Variants in PGM3 observed in about 807,000 individuals in gnomAD.
The protein encoded by PGM3 is phosphoglucomutase 3.
Under a neutral mutation model 66.2 loss-of-function variants are expected in PGM3, and 40 were observed. The ratio of observed to expected loss-of-function variants is 0.60; its 90% CI spans 0.47 to 0.79. PGM3 has a LOEUF of 0.79. PGM3 is among the 30% of genes least tolerant of loss of function. PGM3 has a pLI of 0.00. For synonymous variants in PGM3, 191 were observed against 224.2 expected, an observed-to-expected ratio of 0.85 and a Z score of 1.32; for missense variants, 537 against 643.4, an observed-to-expected ratio of 0.83 and a Z score of 1.79.
At chr6:83,184,357 T>C (rs1354119926) in intron 4 of PGM3, among the ~76,000 whole-genome samples, 1 of 152,120 alleles carries the variant, frequency 6.6e-6, no homozygotes, top group Non-Finnish European at 1.5e-5. Flanking sequence ...CTGAAGTTAT[T>C]TAACAGAAAT....
At chr6:83,161,986 T>C (rs763805823), downstream of PGM3, among the ~76,000 whole-genome samples, 8 of 152,154 alleles carry the variant, frequency 5.3e-5, no homozygotes, top group Admixed American at 1.3e-4. Flanking sequence ...TTTTATATGA[T>C]GCAGAATTGT....
chr6:83,183,050 T>TGTA, intron 4 of PGM3, 72 bp from the exon 5 acceptor site: 1 of 1,392,544 alleles, frequency 7.2e-7, no homozygotes, highest in Non-Finnish European at 1.0e-6. Context: ...TGCATTCATG[T>TGTA]GTAGGAATTT....
intron 3 of PGM3, 73 bp from the exon 4 acceptor site, chr6:83,187,148 G>A: frequency 1.1e-6 from 1 of 917,866 alleles, no homozygotes; most frequent in Admixed American, 2.0e-5. Flanking sequence ...GCAAGCAAAT[G>A]CAAAAATTAC....
rs1338451905 is a variant in PGM3, at chr6:83,165,790, TGTC to T, written c.*3441_*3443del. On this transcript the variant is annotated 3_prime_UTR_variant, in exon 13 of 13. Coordinates refer to ENST00000513973, the MANE Select transcript of PGM3 (RefSeq NM_015599.3). ...GGTTGTGCAACGTGCGGCCCAGTGTTGTCGTGAAAAGAATTGGGCCCTTTCTGG... is the reference window on the plus strand; with the variant it reads ...GGTTGTGCAACGTGCGGCCCAGTGTTGTGAAAAGAATTGGGCCCTTTCTGG... 3.5e-6 allele frequency: 1 copy of T among 287,880 alleles called. No homozygotes were observed. The highest frequency in any genetic ancestry group is 7.0e-6 in the Non-Finnish European group (1 of 143,004). The allele number at this position is 287,880 out of a possible 1,614,324, so 17.8% of individuals were successfully genotyped here. A position where few individuals can be genotyped will look rare whatever the true frequency, so the allele number is the denominator to read the frequency against.
chr6:83,169,045 AAC>A lies in PGM3; in HGVS notation c.*187_*188del. On this transcript the variant is annotated 3_prime_UTR_variant, in exon 13 of 13. Coordinates refer to ENST00000513973, the MANE Select transcript of PGM3 (RefSeq NM_015599.3). ...ACTGAAATTAGAGGTAAATTTCTTT[AAC>A]AAGTGTAAGGCTTACCTATTTATAA... is the stretch of plus-strand genomic sequence containing the variant. The A allele has an allele frequency of 7.3e-7, 1 of 1,374,950 alleles. No individual in the cohort carries two copies. The highest frequency in any genetic ancestry group is 1.8e-5 in the South Asian group (1 of 55,200). The allele number at this position is 1,374,950 out of a possible 1,614,324, so 85.2% of individuals were successfully genotyped here.
At chr6:83,176,130 C>A in intron 8 of PGM3, 70 bp from the exon 9 acceptor site, 1 of 852,162 alleles carries the variant, frequency 1.2e-6, no homozygotes, top group African/African-American at 1.7e-5. Context: ...TACCTAGTAT[C>A]CCAGAGATAC....
At chr6:83,175,640 G>A (rs573631645) in intron 9 of PGM3, among the ~76,000 whole-genome samples, 2 of 152,032 alleles carry the variant, frequency 1.3e-5, no homozygotes, top group Admixed American at 6.5e-5. Context: ...TCACCATAGC[G>A]ACTGAATTTT....
At chr6:83,153,870 T>G in the PGM3 span, 2 of 1,592,940 alleles carry the variant, frequency 1.3e-6, no homozygotes, top group Non-Finnish European at 1.7e-6. Flanking sequence ...ACACGTAGGT[T>G]AAGGTGGTTT....
At chr6:83,174,103 A>G (rs1024064120) in intron 10 of PGM3, among the ~76,000 whole-genome samples, 23 of 152,264 alleles carry the variant, frequency 1.5e-4, no homozygotes, top group Admixed American at 1.1e-3. Context: ...ATATATATGT[A>G]TACACTGAGT....
intron 1 of PGM3, among the ~76,000 whole-genome samples, chr6:83,192,833 A>G (rs557186180): frequency 6.6e-6 from 1 of 152,210 alleles, no homozygotes; most frequent in South Asian, 2.1e-4. Context: ...GCAAAAAGTT[A>G]AGAGTATCCC....
At chr6:83,172,622 G>A (rs1787332496) in intron 10 of PGM3, among the ~76,000 whole-genome samples, 3 of 152,048 alleles carry the variant, frequency 2.0e-5, no homozygotes, top group Non-Finnish European at 2.9e-5. Context: ...TTGCGCCACT[G>A]CACTCCAGCG....
chr6:83,185,800 T>C (rs1300059399), intron 4 of PGM3, among the ~76,000 whole-genome samples: 1 of 151,380 alleles, frequency 6.6e-6, no homozygotes, highest in Non-Finnish European at 1.5e-5. Context: ...AATAAATAAA[T>C]GAAAAAAGGT....
rs551914146 is a variant in PGM3, at chr6:83,192,746, T to C, written c.-3+433A>G. On this transcript the variant is annotated intron_variant, in intron 1 of 12. Transcript: ENST00000513973. ...TAATATGAGTTCATCCTTTCATGCG[T>C]TTTAGGCCCTACAACTACTTTCAAT... is the stretch of plus-strand genomic sequence containing the variant. Among the ~76,000 whole-genome samples the C allele has an allele frequency of 3.3e-5, 5 of 151,994 alleles. No homozygotes were observed. In the South Asian group the frequency reaches 1.0e-3, roughly 32 times the overall value.
chr6:83,171,992 A>G lies in PGM3; in HGVS notation c.1310T>C (p.Val437Ala). The G allele has an allele frequency of 6.2e-7, 1 of 1,613,282 alleles. No individual in the cohort carries two copies. The highest frequency in any genetic ancestry group is 8.5e-7 in the Non-Finnish European group (1 of 1,179,212). ...EAILALKGLT[V>A]QQWDALYTDL... The stretch of plus-strand genomic sequence containing the variant: ...TGTATAGAGAGCATCCCACTGTTGT[A>G]CAGTCAAGCCCTTCAGAGCCAAGAT... Residue 437 changes from valine to alanine, a missense_variant, in exon 11 of 13, where the codon GTA (valine) becomes GCA (alanine). By Grantham distance (64) the Val-to-Ala change is moderately conservative. Transcript: ENST00000513973.
chr6:83,178,167 A>G (rs1039389194), intron 8 of PGM3, among the ~76,000 whole-genome samples: 4 of 152,248 alleles, frequency 2.6e-5, no homozygotes, highest in Non-Finnish European at 5.9e-5. Context: ...AGTTTATCCT[A>G]AACTTACTTG....
intron 11 of PGM3, 34 bp from the exon 12 acceptor site, chr6:83,170,512 T>G (rs369681936): frequency 2.9e-5 from 45 of 1,557,128 alleles, no homozygotes; most frequent in Non-Finnish European, 4.0e-5. Context: ...GTTACTCTAT[T>G]ACACTTCCTT....
chr6:83,155,504 C>G, the PGM3 span, among the ~76,000 whole-genome samples: 1 of 151,968 alleles, frequency 6.6e-6, no homozygotes, highest in African/African-American at 2.4e-5. Context: ...GGGATGGGAG[C>G]ACGCTTGGTG....
chr6:83,169,812 A>C (rs1786715598), intron 12 of PGM3: 1 of 457,402 alleles, frequency 2.2e-6, no homozygotes, highest in Non-Finnish European at 4.4e-6. Flanking sequence ...GAGGCCAAAT[A>C]ATAAAAATCC....
chr6:83,172,197 A>T, intron 10 of PGM3, 138 bp from the exon 11 acceptor site: 1 of 838,082 alleles, frequency 1.2e-6, no homozygotes, highest in Admixed American at 2.6e-5. Flanking sequence ...AAATAATCAC[A>T]AGTGAAAAAT....
Sources: allele counts gnomAD v4.1 joint callset (sites outside exome capture counted in the v4.1 genomes callset), GRCh38; gene constraint gnomAD v4.1.1; transcripts MANE v1.5; gene names NCBI Gene and HGNC (gene_info 2026-07-23, HGNC 2026-07-21).